USP47: variants seen among roughly 807,000 people sequenced by gnomAD.
USP47 encodes ubiquitin carboxyl-terminal hydrolase 47.
USP47 carries 35 observed loss-of-function variants against 165.1 expected under a neutral mutation model. The observed-to-expected ratio is 0.21, with a 90% CI of 0.16 to 0.28. The LOEUF is 0.28. USP47 is among the 10% of genes least tolerant of loss of function. USP47 has a pLI of 1.00. For synonymous variants in USP47, 531 were observed against 544.5 expected, an observed-to-expected ratio of 0.98 and a Z score of 0.35; for missense variants, 1,277 against 1,607.4, an observed-to-expected ratio of 0.79 and a Z score of 3.52.
intron 1 of USP47, chr11:11,873,914 A>G (rs896855538): frequency 2.8e-6 from 3 of 1,061,048 alleles, no homozygotes; most frequent in Middle Eastern, 2.3e-4. Flanking sequence ...AAGTAACAGC[A>G]TGTTAGTATT....
Position 11,956,278 on chromosome 11 carries a change from A to G in USP47, c.*103A>G. 7.8e-7 allele frequency: 1 copy of G among 1,287,374 alleles called. No individual in the cohort carries two copies. The highest frequency in any genetic ancestry group is 1.1e-6 in the Non-Finnish European group (1 of 911,790). The allele number at this position is 1,287,374 out of a possible 1,614,324, so 79.7% of individuals were successfully genotyped here. ...TGGCCGGACATGGTTGGGGTAACCCAGTGACACCAGCACTGATTGGACTGC... is the reference window on the plus strand; with the variant it reads ...TGGCCGGACATGGTTGGGGTAACCCGGTGACACCAGCACTGATTGGACTGC... On this transcript the variant is annotated 3_prime_UTR_variant, in exon 28 of 28. Transcript: ENST00000527733.
intron 1 of USP47, among the ~76,000 whole-genome samples, chr11:11,871,662 G>C (rs150157785): frequency 6.6e-6 from 1 of 152,044 alleles, no homozygotes; most frequent in African/African-American, 2.4e-5. Context: ...ACTCTAGGGG[G>C]ATGCACTGTA....
intron 1 of USP47, among the ~76,000 whole-genome samples, chr11:11,849,016 C>T (rs1254191333): frequency 6.6e-6 from 1 of 152,176 alleles, no homozygotes; most frequent in East Asian, 1.9e-4. Context: ...CACAAGCACA[C>T]ATTTTAACCC....
chr11:11,909,350 C>T, intron 8 of USP47, among the ~76,000 whole-genome samples: 1 of 152,102 alleles, frequency 6.6e-6, no homozygotes, highest in East Asian at 1.9e-4. Context: ...ATCAAAGTAA[C>T]TTTGACTATG....
intron 14 of USP47, among the ~76,000 whole-genome samples, chr11:11,932,175 G>A (rs1854716914): frequency 6.6e-6 from 1 of 152,114 alleles, no homozygotes; most frequent in African/African-American, 2.4e-5. Flanking sequence ...GAGCAAGCAA[G>A]TTCCGGGGTT....
At chr11:11,873,414 T>C (rs1048457050) in intron 1 of USP47, among the ~76,000 whole-genome samples, 3 of 152,146 alleles carry the variant, frequency 2.0e-5, no homozygotes, top group Admixed American at 6.5e-5. Context: ...GTTTTAAGAG[T>C]AGCTGTCGTG....
chr11:11,855,914 T>G (rs1045157895), intron 1 of USP47, among the ~76,000 whole-genome samples: 2 of 152,096 alleles, frequency 1.3e-5, no homozygotes, highest in Non-Finnish European at 2.9e-5. Flanking sequence ...GACAAACAGG[T>G]GACCAGACAA....
intron 1 of USP47, among the ~76,000 whole-genome samples, chr11:11,854,158 A>G (rs1848893621): frequency 6.9e-6 from 1 of 144,564 alleles, no homozygotes; most frequent in African/African-American, 2.5e-5. Context: ...AAAAAATCCT[A>G]TCCAACCAGC....
At chr11:11,939,059 A>G (rs370242371) in intron 18 of USP47, among the ~76,000 whole-genome samples, 4 of 152,092 alleles carry the variant, frequency 2.6e-5, no homozygotes, top group African/African-American at 9.6e-5. Flanking sequence ...CCATTATGTG[A>G]GCTAGTGATA....
intron 3 of USP47, chr11:11,884,853 G>T (rs913993618): frequency 6.8e-6 from 2 of 292,310 alleles, no homozygotes; most frequent in Non-Finnish European, 1.3e-5. Context: ...GGATGGGGGT[G>T]GGTCTAGGAT....
intron 8 of USP47, among the ~76,000 whole-genome samples, chr11:11,908,044 C>T (rs1320700809): frequency 4.6e-5 from 7 of 151,992 alleles, no homozygotes; most frequent in African/African-American, 1.4e-4. Context: ...GCTGAGATCG[C>T]ACCACTGCAC....
At chr11:11,952,241 C>T (rs933324314) in intron 24 of USP47, 1 of 152,062 alleles carries the variant, frequency 6.6e-6, no homozygotes, top group Non-Finnish European at 1.5e-5. Flanking sequence ...AGAAAAGTGA[C>T]AATTGAGTTG....
At chr11:11,909,076 G>T (rs180816842) in intron 8 of USP47, among the ~76,000 whole-genome samples, 2 of 152,188 alleles carry the variant, frequency 1.3e-5, no homozygotes, top group Admixed American at 6.5e-5. Flanking sequence ...GAGACATTAG[G>T]ATTCTGAGGA....
chr11:11,931,413 GA>G (rs1426444098), intron 14 of USP47, among the ~76,000 whole-genome samples: 1 of 152,024 alleles, frequency 6.6e-6, no homozygotes, highest in Admixed American at 6.6e-5. Context: ...TGGAATTATT[GA>G]AAAAATAAAT....
chr11:11,910,615 A>G (rs1345733313), intron 8 of USP47, among the ~76,000 whole-genome samples: 1 of 152,004 alleles, frequency 6.6e-6, no homozygotes, highest in Non-Finnish European at 1.5e-5. Context: ...CTTTACAGCC[A>G]AGGTTATATC....
chr11:11,873,677 ATACT>A (rs1405218487), intron 1 of USP47: 2 of 446,502 alleles, frequency 4.5e-6, no homozygotes, highest in Non-Finnish European at 7.4e-6. Flanking sequence ...TGATGTACTA[ATACT>A]TTAATTAATA....
At chr11:11,898,137 G>A (rs935684745) in intron 5 of USP47, among the ~76,000 whole-genome samples, 2 of 86,402 alleles carry the variant, frequency 2.3e-5, no homozygotes, top group African/African-American at 3.4e-5. Context: ...GTGTGTGTGC[G>A]TGTGTGTGTG....
intron 12 of USP47, 24 bp from the exon 13 acceptor site, chr11:11,930,020 A>G: frequency 6.2e-7 from 1 of 1,608,102 alleles, no homozygotes; most frequent in Admixed American, 1.7e-5. Flanking sequence ...AATTTGCAAA[A>G]AAAATCATGT....
chr11:11,930,991 T>A (rs2134686707), intron 14 of USP47, among the ~76,000 whole-genome samples: 1 of 152,308 alleles, frequency 6.6e-6, no homozygotes, highest in East Asian at 1.9e-4. Flanking sequence ...ATTGAATGTT[T>A]ATTAGTAGTA....
Sources: allele counts gnomAD v4.1 joint callset (sites outside exome capture counted in the v4.1 genomes callset), GRCh38; gene constraint gnomAD v4.1.1; transcripts MANE v1.5; gene names NCBI Gene and HGNC (gene_info 2026-07-23, HGNC 2026-07-21).